The following PDE4D variants were observed in gnomAD, a reference collection of about 807,000 sequenced individuals.
The protein encoded by PDE4D is 3',5'-cyclic-AMP phosphodiesterase 4D.
PDE4D carries 24 observed loss-of-function variants against 87.4 expected under a neutral mutation model. That is an observed-to-expected ratio of 0.27 (90% CI 0.20 to 0.39). The LOEUF is 0.39. Among genes scored for constraint, PDE4D ranks in the 10% least tolerant of loss-of-function variants. PDE4D has a pLI of 1.00. For synonymous variants in PDE4D, 384 were observed against 383.2 expected, an observed-to-expected ratio of 1.00 and a Z score of -0.02; for missense variants, 714 against 1,041.0, an observed-to-expected ratio of 0.69 and a Z score of 4.32.
chr5:59,032,347 C>T (rs1344780907), intron 6 of PDE4D, among the ~76,000 whole-genome samples: 7 of 151,998 alleles, frequency 4.6e-5, no homozygotes, highest in Middle Eastern at 3.2e-3. Flanking sequence ...TGTGGGAGGC[C>T]GAGGAGGGAG....
At chr5:60,106,183 G>A (rs4590148) in intron 2 of PDE4D, among the ~76,000 whole-genome samples, 20,690 of 148,810 alleles carry the variant, frequency 0.14, 1,491 homozygotes, top group Middle Eastern at 0.23. Flanking sequence ...CAAATGGAAA[G>A]CAAAAAAAGG....
chr5:60,154,821 T>A (rs919203808), intron 2 of PDE4D, among the ~76,000 whole-genome samples: 1 of 152,210 alleles, frequency 6.6e-6, no homozygotes, highest in African/African-American at 2.4e-5. Context: ...TTTGTTTAAA[T>A]GGAATCATAT....
intron 5 of PDE4D, among the ~76,000 whole-genome samples, chr5:59,060,678 G>A (rs1349532155): frequency 6.6e-6 from 1 of 152,120 alleles, no homozygotes; most frequent in Non-Finnish European, 1.5e-5. Flanking sequence ...GAAGAAGTAT[G>A]TTCACATAGG....
intron 3 of PDE4D, among the ~76,000 whole-genome samples, chr5:59,932,651 T>C (rs185642683): frequency 6.6e-6 from 1 of 152,282 alleles, no homozygotes; most frequent in African/African-American, 2.4e-5. Flanking sequence ...AAGATTGTGA[T>C]AAATGATTTT....
chr5:59,300,604 T>A (rs975045181), intron 1 of PDE4D, among the ~76,000 whole-genome samples: 1 of 152,168 alleles, frequency 6.6e-6, no homozygotes, highest in African/African-American at 2.4e-5. Context: ...CTCTCCCTGA[T>A]GGCATTTTTC....
At chr5:59,330,367 C>A (rs1476151701) in intron 1 of PDE4D, among the ~76,000 whole-genome samples, 1 of 152,040 alleles carries the variant, frequency 6.6e-6, no homozygotes, top group Non-Finnish European at 1.5e-5. Flanking sequence ...ATCGTTTGGA[C>A]CCCATCGCTA....
In PDE4D at chr5:58,989,467, T is replaced by C. The variant is rs148194521; in HGVS notation, c.1452+288A>G. 8.1e-3 allele frequency among the ~76,000 whole-genome samples: 1,226 copies of C among 151,714 alleles called. 14 individuals are homozygous for C. The highest frequency in any genetic ancestry group is 0.047 in the East Asian group (243 of 5,162). On this transcript the variant is annotated intron_variant, in intron 10 of 14. Transcript: ENST00000340635. ...TCAGACTAGATTTCAAGAAAACAAA[T>C]GAACAAAAAGTGAGTAAGCCAGATG...
At chr5:59,566,394 T>C (rs747295834) in intron 1 of PDE4D, among the ~76,000 whole-genome samples, 1 of 152,178 alleles carries the variant, frequency 6.6e-6, no homozygotes, top group African/African-American at 2.4e-5. Flanking sequence ...TAATTCTTAC[T>C]GATCCTGCAA....
In PDE4D at chr5:59,990,107, C is replaced by T. The variant is rs114174467; in HGVS notation, c.43-1390G>A. Among the ~76,000 whole-genome samples the T allele has an allele frequency of 4.3e-3, 660 of 152,266 alleles. 6 individuals are homozygous for T. Among genetic ancestry groups the T allele is most frequent in the African/African-American group, 0.015 (637 of 41,564 alleles). ...ACCAGCTGGCTGAAAGTTGGACATTCATCGAGCTTGGAACATCCAGACCTC... is the reference window on the plus strand; with the variant it reads ...ACCAGCTGGCTGAAAGTTGGACATTTATCGAGCTTGGAACATCCAGACCTC... On this transcript the variant is annotated intron_variant, in intron 2 of 16. Transcript: ENST00000502484.
intron 1 of PDE4D, among the ~76,000 whole-genome samples, chr5:60,332,215 A>G (rs916874504): frequency 6.6e-6 from 1 of 152,212 alleles, no homozygotes; most frequent in Non-Finnish European, 1.5e-5. Context: ...CAGCGAGTAC[A>G]TATGCAGGTT....
intron 1 of PDE4D, among the ~76,000 whole-genome samples, chr5:60,421,215 C>T (rs960694248): frequency 1.2e-4 from 19 of 152,226 alleles, no homozygotes; most frequent in African/African-American, 3.1e-4. Context: ...GCTTTGAGAA[C>T]GGACAGACTG....
chr5:60,010,675 T>G (rs1389356362), intron 2 of PDE4D, among the ~76,000 whole-genome samples: 1 of 152,162 alleles, frequency 6.6e-6, no homozygotes, highest in East Asian at 1.9e-4. Flanking sequence ...TGGTGAAATG[T>G]TGTATTTGTT....
intron 1 of PDE4D, among the ~76,000 whole-genome samples, chr5:59,513,613 T>C (rs756311236): frequency 5.9e-4 from 90 of 152,212 alleles, no homozygotes; most frequent in Non-Finnish European, 1.0e-3. Flanking sequence ...TTTTCTTCTG[T>C]ACCCTAATAT....
chr5:59,775,477 C>T (rs1300166712), intron 1 of PDE4D, among the ~76,000 whole-genome samples: 7 of 151,882 alleles, frequency 4.6e-5, no homozygotes, highest in African/African-American at 1.7e-4. Context: ...CTATTACCCA[C>T]ATTTTAAATC....
chr5:59,466,391 AT>A (rs1801585765), intron 1 of PDE4D, among the ~76,000 whole-genome samples: 1 of 152,180 alleles, frequency 6.6e-6, no homozygotes, highest in African/African-American at 2.4e-5. Flanking sequence ...CTGGGTAATT[AT>A]TTTCCACAAG....
intron 1 of PDE4D, among the ~76,000 whole-genome samples, chr5:59,581,632 C>T (rs557889247): frequency 7.2e-5 from 11 of 152,314 alleles, no homozygotes; most frequent in African/African-American, 2.4e-4. Flanking sequence ...GGACTAAAGA[C>T]TATTTTTCAT....
In PDE4D at chr5:60,341,191, C is replaced by T. The variant is rs139783206; in HGVS notation, c.-90+146751G>A. On this transcript the variant is annotated intron_variant, in intron 1 of 16. Coordinates refer to the PDE4D transcript ENST00000502484. ...TCAAAGAACAGTAGAAACTACAAAA[C>T]TCTAGAGCCACAGAGATCATTAAAC... Among the ~76,000 whole-genome samples, 26 of 152,230 alleles carry T rather than the reference C, an allele frequency of 1.7e-4. 3 individuals are homozygous for T. In the East Asian group the frequency reaches 5.0e-3, roughly 29 times the overall value.
chr5:59,650,214 C>T (rs1240329864), intron 1 of PDE4D, among the ~76,000 whole-genome samples: 2 of 151,858 alleles, frequency 1.3e-5, no homozygotes, highest in African/African-American at 4.8e-5. Flanking sequence ...GTTTTCAGAA[C>T]TAAGATGAAT....
intron 5 of PDE4D, among the ~76,000 whole-genome samples, chr5:59,044,600 A>G (rs549528122): frequency 6.6e-6 from 1 of 152,218 alleles, no homozygotes; most frequent in African/African-American, 2.4e-5. Flanking sequence ...TTTTTCCTCT[A>G]TACATTTTAT....
Sources: gnomAD v4.1 joint callset for allele counts (sites outside exome capture counted in the v4.1 genomes callset) on GRCh38, gnomAD v4.1.1 for gene constraint, MANE v1.5 for transcripts, NCBI Gene and HGNC (gene_info 2026-07-23, HGNC 2026-07-21) for gene names.